ROS1: variants seen among roughly 807,000 people sequenced by gnomAD.
ROS1 encodes proto-oncogene tyrosine-protein kinase ROS.
In ROS1, 263 loss-of-function variants were observed where a neutral mutation model predicts 273.5. That is an observed-to-expected ratio of 0.96 (90% CI 0.87 to 1.06). ROS1 has a LOEUF of 1.06. Ranked by LOEUF, ROS1 falls within the 50% of genes least tolerant of loss-of-function variation. The probability of loss-of-function intolerance (pLI) is 0.00; values close to 1 mark genes in which losing one functional copy is unlikely to be tolerated. For missense variants in ROS1, 2,833 were observed against 2,751.1 expected (o/e 1.03, Z -0.67); for synonymous variants, 1,008 against 954.1 (o/e 1.06, Z -1.04).
chr6:117,354,506 A>T lies in ROS1; in HGVS notation c.4127-1340T>A, dbSNP rs528278142. 2.0e-4 allele frequency among the ~76,000 whole-genome samples: 31 copies of T among 152,362 alleles called. No homozygotes were observed. In the South Asian group the frequency reaches 6.0e-3, roughly 30 times the overall value. On this transcript the variant is annotated intron_variant, in intron 26 of 43. Transcript: ENST00000368507. Reference sequence around the variant, plus strand: ...GAAATGAAGAGAAGACAGGCTAAATATAAGAAAAAAACTAATATTCATAAT... The same window carrying T: ...GAAATGAAGAGAAGACAGGCTAAATTTAAGAAAAAAACTAATATTCATAAT...
chr6:117,361,956 G>A (rs1779836364), intron 22 of ROS1, among the ~76,000 whole-genome samples: 1 of 151,984 alleles, frequency 6.6e-6, no homozygotes, highest in Non-Finnish European at 1.5e-5. Context: ...CTACAGTGGT[G>A]CAAGGCCTAT....
intron 1 of ROS1, 66 bp downstream of exon 1, chr6:117,425,468 T>C (rs1776067536): frequency 6.8e-7 from 1 of 1,470,036 alleles, no homozygotes; most frequent in Admixed American, 2.5e-5. Flanking sequence ...ATTCTATCAG[T>C]TATAACAAGC....
intron 16 of ROS1, 86 bp downstream of exon 16, chr6:117,385,597 T>A (rs1478215840): frequency 4.1e-4 from 387 of 952,844 alleles, no homozygotes; most frequent in Middle Eastern, 9.5e-4. Context: ...CACAGGTATT[T>A]AAAAAAAAAA....
At chr6:117,393,380 A>C in intron 11 of ROS1, 59 bp from the exon 12 acceptor site, 1 of 1,064,262 alleles carries the variant, frequency 9.4e-7, no homozygotes, top group Non-Finnish European at 1.4e-6. Context: ...CATTAAATTC[A>C]GCCAACAAGT....
chr6:117,387,249 G>T (rs1156548803), intron 14 of ROS1, among the ~76,000 whole-genome samples: 1 of 152,204 alleles, frequency 6.6e-6, no homozygotes, highest in Admixed American at 6.5e-5. Context: ...TGGTGAGATT[G>T]CCTCTATAAC....
intron 37 of ROS1, among the ~76,000 whole-genome samples, chr6:117,319,245 G>A (rs113069637): frequency 0.016 from 2,397 of 152,254 alleles, 15 homozygotes; most frequent in South Asian, 0.029. Context: ...CATGTAGTCA[G>A]AGACTGACAA....
At chr6:117,334,965 G>A (rs866580557) in intron 32 of ROS1, among the ~76,000 whole-genome samples, 1 of 152,078 alleles carries the variant, frequency 6.6e-6, no homozygotes, top group East Asian at 1.9e-4. Context: ...CAAAAGCAAT[G>A]GCAACAAAAG....
chr6:117,320,096 G>A (rs1486068469), intron 36 of ROS1, 66 bp from the exon 37 acceptor site: 1 of 1,392,204 alleles, frequency 7.2e-7, no homozygotes, highest in Non-Finnish European at 1.0e-6. Flanking sequence ...GTTTGTGTTG[G>A]TATTGGTATT....
At chr6:117,387,504 C>G (rs999448451) in intron 14 of ROS1, among the ~76,000 whole-genome samples, 3 of 152,022 alleles carry the variant, frequency 2.0e-5, no homozygotes, top group African/African-American at 7.3e-5. Context: ...AGAAGAAACC[C>G]GTAAAGAATC....
chr6:117,289,973 A>G (rs1742694448), intron 43 of ROS1, among the ~76,000 whole-genome samples: 1 of 152,178 alleles, frequency 6.6e-6, no homozygotes, highest in South Asian at 2.1e-4. Context: ...AAGATATTTA[A>G]CTTTAAGTAG....
Position 117,365,102 on chromosome 6 carries a change from T to A in ROS1, c.3061A>T (p.Lys1021Ter), listed in dbSNP as rs765527922. 6.2e-7 allele frequency: 1 copy of A among 1,611,408 alleles called. No homozygotes were observed. The highest frequency in any genetic ancestry group is 8.5e-7 in the Non-Finnish European group (1 of 1,177,556). The change falls in exon 21 of 44, where the codon AAG (lysine) becomes TAG (stop). Residue 1021 changes from lysine (K) to a stop codon, truncating the protein, a stop_gained. Coordinates refer to ENST00000368507, the MANE Select transcript of ROS1 (RefSeq NM_001378902.1). LOFTEE classifies it high-confidence loss of function. ...LSVTPYTYWGKGPKTSLSLRA... is the reference protein window; with the variant it reads ...LSVTPYTYWG Reference sequence around the variant, plus strand: ...AGTGACAGAGATGTTTTGGGGCCCTTTCCCCAGTAGGTATAAGGAGTGACA... The same window carrying A: ...AGTGACAGAGATGTTTTGGGGCCCTATCCCCAGTAGGTATAAGGAGTGACA...
chr6:117,379,773 C>G (rs947491807), intron 17 of ROS1, among the ~76,000 whole-genome samples: 3 of 152,052 alleles, frequency 2.0e-5, no homozygotes, highest in Admixed American at 6.6e-5. Flanking sequence ...ATGGTTTAAA[C>G]CATTTTGAAT....
At chr6:117,349,590 A>G (rs1407000378) in intron 27 of ROS1, among the ~76,000 whole-genome samples, 1 of 152,030 alleles carries the variant, frequency 6.6e-6, no homozygotes, top group Non-Finnish European at 1.5e-5. Flanking sequence ...TAGTTAAATT[A>G]AGATCTACCA....
intron 40 of ROS1, 98 bp from the exon 41 acceptor site, chr6:117,310,379 TA>T: frequency 3.5e-6 from 3 of 851,208 alleles, no homozygotes; most frequent in Non-Finnish European, 5.2e-6. Flanking sequence ...GAAGAGAAAC[TA>T]TTTTTTTTTT....
rs776569761 is a variant in ROS1 at position 117,326,504 on chromosome 6, G to C, written c.5349-90C>G. ...AGATCTTCTTAGTGACTGAACGCCA[G>C]AGAGTGTCCTTTGGCACAATTTACC... On this transcript the variant is annotated intron_variant, in intron 33 of 43. Transcript: ENST00000368507. 277 of 777,324 alleles carry C rather than the reference G, an allele frequency of 3.6e-4. 1 individual carries two copies. Among genetic ancestry groups the C allele is most frequent in the Non-Finnish European group, 5.2e-4 (268 of 518,582 alleles). The allele number at this position is 777,324 out of a possible 1,614,324, so 48.2% of individuals were successfully genotyped here. A position where few individuals can be genotyped will look rare whatever the true frequency, so the allele number is the denominator to read the frequency against.
At chr6:117,397,493 AT>A (rs1773594627) in intron 7 of ROS1, among the ~76,000 whole-genome samples, 1 of 152,184 alleles carries the variant, frequency 6.6e-6, no homozygotes, top group Non-Finnish European at 1.5e-5. Context: ...GGAGTCAATG[AT>A]CGACGAGTTT....
intron 4 of ROS1, among the ~76,000 whole-genome samples, chr6:117,413,270 T>G (rs573749871): frequency 4.2e-4 from 64 of 151,542 alleles, no homozygotes; most frequent in African/African-American, 1.5e-3. Context: ...GGTTTTAAAG[T>G]TTTTTTTCTT....
At chr6:117,407,014 C>G (rs1201796000) in intron 5 of ROS1, among the ~76,000 whole-genome samples, 1 of 103,802 alleles carries the variant, frequency 9.6e-6, no homozygotes, top group African/African-American at 4.6e-5. Context: ...CATCAGTGCA[C>G]AGCTTGGACC....
chr6:117,389,656 A>G lies in ROS1; in HGVS notation c.1480T>C (p.Ser494Pro), dbSNP rs1422557855. 1.7e-5 allele frequency: 27 copies of G among 1,614,092 alleles called. No individual in the cohort carries two copies. Among genetic ancestry groups the G allele is most frequent in the Middle Eastern group, 1.6e-4 (1 of 6,084 alleles). The change falls in exon 13 of 44, where the codon TCT (serine) becomes CCT (proline). Residue 494 changes from serine (S) to proline (P), a missense_variant. Physicochemically the swap from Ser to Pro is moderately conservative, Grantham distance 74 (BLOSUM62 -1). Transcript: ENST00000368507. ...CGAGGTAGGATGAGATGGGAAGCAG[A>G]GCCATCCAGAAATGTTGACATGAAG... ...QVFMSTFLDG[S>P]ASHLILPRIP... is the part of the protein sequence containing the mutation.
Sources: gnomAD v4.1 joint callset for allele counts (sites outside exome capture counted in the v4.1 genomes callset) on GRCh38, gnomAD v4.1.1 for gene constraint, MANE v1.5 for transcripts, NCBI Gene and HGNC (gene_info 2026-07-23, HGNC 2026-07-21) for gene names.